The following PPIG variants were observed in gnomAD, a reference collection of about 807,000 sequenced individuals.
The protein encoded by PPIG is peptidylprolyl isomerase G.
PPIG carries 26 observed loss-of-function variants against 87.9 expected under a neutral mutation model. That is an observed-to-expected ratio of 0.30 (90% CI 0.22 to 0.41). PPIG has a LOEUF of 0.41. Ranked by LOEUF, PPIG falls within the 10% of genes least tolerant of loss-of-function variation. PPIG has a pLI of 1.00. For synonymous variants in PPIG, 308 were observed against 276.5 expected (o/e 1.11, Z -1.13); for missense variants, 722 against 879.4 (o/e 0.82, Z 2.26).
intron 9 of PPIG, among the ~76,000 whole-genome samples, chr2:169,622,031 CTG>C (rs1685771333): frequency 6.6e-6 from 1 of 151,912 alleles, no homozygotes; most frequent in Non-Finnish European, 1.5e-5. Flanking sequence ...AGGCTATAGC[CTG>C]GGTGACACAA....
At chr2:169,585,172 C>T (rs1293458677) in intron 1 of PPIG, among the ~76,000 whole-genome samples, 1 of 151,906 alleles carries the variant, frequency 6.6e-6, no homozygotes, top group East Asian at 1.9e-4. Context: ...GCTGCGCAGG[C>T]CTTTTAGGAG....
intron 1 of PPIG, among the ~76,000 whole-genome samples, chr2:169,598,512 C>T (rs1305182400): frequency 1.3e-5 from 2 of 151,996 alleles, no homozygotes; most frequent in Non-Finnish European, 2.9e-5. Context: ...AGGATGGTCT[C>T]GATCTCCTGA....
chr2:169,587,169 G>A (rs1372132110), intron 1 of PPIG, among the ~76,000 whole-genome samples: 2 of 152,076 alleles, frequency 1.3e-5, no homozygotes, highest in African/African-American at 4.8e-5. Flanking sequence ...CTGACCTCAA[G>A]TAATCCATCC....
In PPIG at chr2:169,638,340, T is replaced by TC. The variant is rs1686237127; in HGVS notation, c.*817_*818insC. ...ATTATTAATTACCCTTCTCTAAACT[T>TC]TAAAAAAAAAAAAGCTTTTCTCATT... On this transcript the variant is annotated 3_prime_UTR_variant, in exon 14 of 14. Transcript: ENST00000260970. 1.5e-5 allele frequency: 2 copies of TC among 137,588 alleles called. No individual in the cohort carries two copies. The highest frequency in any genetic ancestry group is 4.2e-4 in the East Asian group (2 of 4,788). 8.5% of individuals were successfully genotyped at this position (137,588 alleles called of 1,614,324 possible). A position where few individuals can be genotyped will look rare whatever the true frequency, so the allele number is the denominator to read the frequency against.
chr2:169,629,319 G>A (rs1335156266), intron 9 of PPIG, among the ~76,000 whole-genome samples: 1 of 152,100 alleles, frequency 6.6e-6, no homozygotes, highest in African/African-American at 2.4e-5. Flanking sequence ...ATTTCTAAAA[G>A]ATGATTCTTA....
chr2:169,637,636 T>C lies in PPIG; in HGVS notation c.*113T>C, dbSNP rs1686219486. On this transcript the variant is annotated 3_prime_UTR_variant, in exon 14 of 14. Coordinates refer to ENST00000260970, the MANE Select transcript of PPIG (RefSeq NM_004792.3). ...TCATTGTTTTTGGATTGTTTTATGTTTGTCCTTTTTTTTCTTAATGTGGAT... is the reference window on the plus strand; with the variant it reads ...TCATTGTTTTTGGATTGTTTTATGTCTGTCCTTTTTTTTCTTAATGTGGAT... 8.6e-6 allele frequency: 10 copies of C among 1,161,576 alleles called. No individual in the cohort carries two copies. Among genetic ancestry groups the C allele is most frequent in the Non-Finnish European group, 1.2e-5 (10 of 855,842 alleles). 72.0% of individuals were successfully genotyped at this position (1,161,576 alleles called of 1,614,324 possible).
At chr2:169,626,314 TTC>T (rs1288806014) in intron 9 of PPIG, among the ~76,000 whole-genome samples, 1 of 152,216 alleles carries the variant, frequency 6.6e-6, no homozygotes, top group Non-Finnish European at 1.5e-5. Flanking sequence ...CTCAATTATT[TTC>T]TCTCATTTTT....
chr2:169,591,919 G>GTTT (rs1305262371), intron 1 of PPIG, among the ~76,000 whole-genome samples: 1 of 102,680 alleles, frequency 9.7e-6, no homozygotes, highest in Non-Finnish European at 1.9e-5. Flanking sequence ...GGCAATTCAT[G>GTTT]ATTTTTTTTT....
Position 169,594,630 on chromosome 2 carries a change from T to C in PPIG, c.-69-9012T>C, listed in dbSNP as rs6715678. 3.3e-3 allele frequency among the ~76,000 whole-genome samples: 289 copies of C among 87,840 alleles called. 2 individuals are homozygous for C. Among genetic ancestry groups the C allele is most frequent in the South Asian group, 8.5e-3 (19 of 2,234 alleles). The allele number at this position is 87,840 out of a possible 152,430, so 57.6% of individuals were successfully genotyped here. On this transcript the variant is annotated intron_variant, in intron 1 of 13. Transcript: ENST00000260970. Reference sequence around the variant, plus strand: ...TCAGTTTTACTCTTTCTTTTCTTTTTTTTTTTTTTTTTTTTTGAGACAGAG... The same window carrying C: ...TCAGTTTTACTCTTTCTTTTCTTTTCTTTTTTTTTTTTTTTTGAGACAGAG...
At chr2:169,599,211 T>C (rs560661245) in intron 1 of PPIG, among the ~76,000 whole-genome samples, 23 of 152,276 alleles carry the variant, frequency 1.5e-4, no homozygotes, top group Admixed American at 5.2e-4. Context: ...TTTATTTTTG[T>C]CAATCCAATT....
At chr2:169,619,446 ATCTG>A (rs1440625975) in intron 9 of PPIG, among the ~76,000 whole-genome samples, 2 of 152,192 alleles carry the variant, frequency 1.3e-5, no homozygotes, top group Admixed American at 6.6e-5. Flanking sequence ...TGTCTCATTG[ATCTG>A]TCTAATATTG....
chr2:169,631,591 T>G, intron 10 of PPIG, 175 bp from the exon 11 acceptor site: 1 of 1,373,548 alleles, frequency 7.3e-7, no homozygotes, highest in East Asian at 2.9e-5. Context: ...TGTTTTTTGA[T>G]TGGTTAGTTG....
intron 1 of PPIG, among the ~76,000 whole-genome samples, chr2:169,603,015 G>GT (rs1685226508): frequency 6.6e-6 from 1 of 152,122 alleles, no homozygotes; most frequent in Non-Finnish European, 1.5e-5. Flanking sequence ...TGACCCCCAG[G>GT]TTTTCAGCCT....
chr2:169,631,753 T>G lies in PPIG; in HGVS notation c.762-13T>G, dbSNP rs1396058305. On this transcript the variant is annotated splice_polypyrimidine_tract_variant and intron_variant, in intron 10 of 13. Transcript: ENST00000260970. ...CCAACTGTAACTTGTTTTGTGTGTT[T>G]CTGTCTGTTAAGTGCATCTAGTGAG... is the stretch of plus-strand genomic sequence containing the variant. 1.2e-6 allele frequency: 2 copies of G among 1,613,622 alleles called. No homozygotes were observed. Among genetic ancestry groups the G allele is most frequent in the South Asian group, 1.1e-5 (1 of 90,992 alleles).
chr2:169,626,213 C>G lies in PPIG; in HGVS notation c.548-4561C>G, dbSNP rs1033459131. Among the ~76,000 whole-genome samples, 6 of 152,174 alleles carry G rather than the reference C, an allele frequency of 3.9e-5. 1 individual carries two copies. The highest frequency in any genetic ancestry group is 8.8e-5 in the Non-Finnish European group (6 of 68,032). On this transcript the variant is annotated intron_variant, in intron 9 of 13. Coordinates refer to ENST00000260970, the MANE Select transcript of PPIG (RefSeq NM_004792.3). ...TTAGGTTAACACACATTCTGAAACT[C>G]AAGCCACAGTCTTACAGAATCAATA...
Position 169,617,947 on chromosome 2 carries a change from C to A in PPIG, c.547+3223C>A, listed in dbSNP as rs553853334. On this transcript the variant is annotated intron_variant, in intron 9 of 13. Transcript: ENST00000260970. ...GTCTTGTGCCAGTTTTCAAAGGGAA[C>A]GCTTCCAGCTTTTGTCCATTCAGTA... Among the ~76,000 whole-genome samples the A allele has an allele frequency of 2.0e-3, 305 of 152,154 alleles. 3 individuals carry two copies. In the Middle Eastern group the frequency reaches 0.024, roughly 12 times the overall value.
At chr2:169,617,422 A>G (rs1272595331) in intron 9 of PPIG, among the ~76,000 whole-genome samples, 4 of 152,140 alleles carry the variant, frequency 2.6e-5, no homozygotes, top group African/African-American at 9.7e-5. Context: ...CTTGATGGAG[A>G]TAGCATTGAA....
chr2:169,631,806 C>T lies in PPIG; in HGVS notation c.802C>T (p.Pro268Ser), dbSNP rs751741493. 9.3e-5 allele frequency: 150 copies of T among 1,613,518 alleles called. No individual in the cohort carries two copies. The highest frequency in any genetic ancestry group is 1.2e-4 in the Non-Finnish European group (146 of 1,179,718). Residue 268 changes from proline to serine, a missense_variant, in exon 11 of 14, where the codon CCC becomes TCC. Physicochemically the swap from Pro to Ser is moderately conservative, Grantham distance 74. Around this residue, in one of 4 missense-constraint regions of PPIG, gnomAD observed 142 missense variants for 152.8 expected, o/e 0.93. Coordinates refer to ENST00000260970, the MANE Select transcript of PPIG (RefSeq NM_004792.3). ...TGAAGCTGAAAATCTTGAAGCACAA[C>T]CCCAGTCTACTGTCCGTCCAGAAGA... ...ESEAENLEAQ[P>S]QSTVRPEEIP...
At chr2:169,602,505 A>G in intron 1 of PPIG, among the ~76,000 whole-genome samples, 1 of 152,102 alleles carries the variant, frequency 6.6e-6, no homozygotes. Context: ...TAATAGAGAT[A>G]GGGTTTCACT....
Sources: gnomAD v4.1 joint callset for allele counts (sites outside exome capture counted in the v4.1 genomes callset) on GRCh38, gnomAD v4.1.1 for gene constraint, gnomAD v4.1.1 regional missense constraint, MANE v1.5 for transcripts, NCBI Gene and HGNC (gene_info 2026-07-23, HGNC 2026-07-21) for gene names.